Variants in FOXJ3 observed in about 807,000 individuals in gnomAD.
The protein encoded by FOXJ3 is forkhead box J3, also known as forkhead box protein J3.
A neutral mutation model predicts 76.1 loss-of-function variants in FOXJ3; 22 were observed. The ratio of observed to expected loss-of-function variants is 0.29; its 90% CI spans 0.21 to 0.41. FOXJ3 has a LOEUF of 0.41. Ranked by LOEUF, FOXJ3 falls within the 10% of genes least tolerant of loss-of-function variation. FOXJ3 has a pLI of 1.00. For synonymous variants in FOXJ3, 269 were observed against 261.2 expected, an observed-to-expected ratio of 1.03 and a Z score of -0.29; for missense variants, 613 against 762.1, an observed-to-expected ratio of 0.80 and a Z score of 2.30.
intron 5 of FOXJ3, among the ~76,000 whole-genome samples, chr1:42,219,456 C>A (rs1255506373): frequency 6.6e-6 from 1 of 152,176 alleles, no homozygotes; most frequent in Non-Finnish European, 1.5e-5. Context: ...CAGGCAGCCA[C>A]TGGGGGTCTT....
chr1:42,322,933 TTTTCG>T (rs1057322548), intron 1 of FOXJ3, among the ~76,000 whole-genome samples: 3 of 152,124 alleles, frequency 2.0e-5, no homozygotes, highest in Admixed American at 6.6e-5. Flanking sequence ...TTCTGAGGGT[TTTTCG>T]TTTTGTTTTA....
At chr1:42,271,340 G>A (rs1054348021) in intron 3 of FOXJ3, among the ~76,000 whole-genome samples, 3 of 151,136 alleles carry the variant, frequency 2.0e-5, no homozygotes, top group African/African-American at 7.3e-5. Flanking sequence ...CATGTACATG[G>A]GTTCAAAAGT....
intron 5 of FOXJ3, among the ~76,000 whole-genome samples, chr1:42,224,003 T>C (rs1220344764): frequency 6.6e-6 from 1 of 152,202 alleles, no homozygotes; most frequent in Non-Finnish European, 1.5e-5. Context: ...ATTACATGAG[T>C]TAATACACAT....
intron 1 of FOXJ3, among the ~76,000 whole-genome samples, chr1:42,320,155 A>T (rs1054082880): frequency 6.6e-6 from 1 of 152,218 alleles, no homozygotes. Flanking sequence ...AAATATACGT[A>T]ACTGCCTCTT....
At chr1:42,334,644 G>A (rs1293791307) in intron 1 of FOXJ3, among the ~76,000 whole-genome samples, 1 of 152,350 alleles carries the variant, frequency 6.6e-6, no homozygotes, top group East Asian at 1.9e-4. Flanking sequence ...CAAGCTTAAA[G>A]GGAAGAAGCC....
At position 42,263,930 on chromosome 1, in the gene FOXJ3, C is replaced by CTTTTTTTTTTT. The variant is rs61375062; in HGVS notation, c.444+1174_444+1184dup. Among the ~76,000 whole-genome samples the CTTTTTTTTTTT allele has an allele frequency of 2.0e-4, 14 of 71,396 alleles. 1 individual carries two copies. Among genetic ancestry groups the CTTTTTTTTTTT allele is most frequent in the African/African-American group, 6.0e-4 (12 of 20,032 alleles). The allele number at this position is 71,396 out of a possible 152,430, so 46.8% of individuals were successfully genotyped here. On this transcript the variant is annotated intron_variant, in intron 4 of 12. Transcript: ENST00000361346. The stretch of plus-strand genomic sequence containing the variant: ...AAAAGAGACCATATGAGTAGGTTAA[C>CTTTTTTTTTTT]TTTTTTTTTTTTTTTTTTTTTTTTT...
chr1:42,294,497 G>A (rs925929410), intron 2 of FOXJ3, among the ~76,000 whole-genome samples: 1 of 152,026 alleles, frequency 6.6e-6, no homozygotes, highest in African/African-American at 2.4e-5. Flanking sequence ...GGTGGCTCAC[G>A]TCCATAATCC....
At chr1:42,212,936 A>G (rs1328876782) in intron 5 of FOXJ3, among the ~76,000 whole-genome samples, 3 of 138,950 alleles carry the variant, frequency 2.2e-5, no homozygotes, top group Non-Finnish European at 4.6e-5. Flanking sequence ...AATAACTGTC[A>G]GCCAAGAATT....
At chr1:42,202,142 G>A (rs763809929) in intron 6 of FOXJ3, among the ~76,000 whole-genome samples, 1 of 151,850 alleles carries the variant, frequency 6.6e-6, no homozygotes, top group Non-Finnish European at 1.5e-5. Context: ...TTTTATTGCT[G>A]TATTTCCAAA....
intron 11 of FOXJ3, among the ~76,000 whole-genome samples, chr1:42,187,842 T>TAAGCTATTCAAAATAGCTTAGGAA (rs1553154328): frequency 6.6e-6 from 1 of 152,180 alleles, no homozygotes; most frequent in African/African-American, 2.4e-5. Context: ...TCAGGCAAGG[T>TAAGCTATTCAAAATAGCTTAGGAA]AAGCTATTCA....
chr1:42,200,642 C>T (rs1646746239), intron 6 of FOXJ3, among the ~76,000 whole-genome samples: 3 of 152,050 alleles, frequency 2.0e-5, no homozygotes, highest in Admixed American at 2.0e-4. Flanking sequence ...CCATACCTGG[C>T]TAATTGTTGT....
chr1:42,308,742 C>A (rs1173837195), intron 2 of FOXJ3, among the ~76,000 whole-genome samples: 4 of 152,096 alleles, frequency 2.6e-5, no homozygotes, highest in African/African-American at 7.2e-5. Context: ...AGAGGAATTA[C>A]AACACAATGA....
rs147516297 is a variant in FOXJ3, at chr1:42,197,658, A to G, written c.759+1444T>C. On this transcript the variant is annotated intron_variant, in intron 7 of 12. Coordinates refer to ENST00000361346, the MANE Select transcript of FOXJ3 (RefSeq NM_014947.5). ...ATACAATGTAAACAGTTGTTAAACT[A>G]TATTTTTTTCTTTAAAAAAAAAAAA... Among the ~76,000 whole-genome samples, 639 of 151,868 alleles carry G rather than the reference A, an allele frequency of 4.2e-3. 3 individuals are homozygous for G. The highest frequency in any genetic ancestry group is 0.014 in the African/African-American group (594 of 41,454).
chr1:42,324,053 ACAC>A lies in FOXJ3; in HGVS notation c.-18+11003_-18+11005del, dbSNP rs1557725607. Reference sequence around the variant, plus strand: ...TATATACACACTATATATAGTATATACACTGTATATACACAGTGTATATATAGT... The same window carrying A: ...TATATACACACTATATATAGTATATATGTATATACACAGTGTATATATAGT... On this transcript the variant is annotated intron_variant, in intron 1 of 12. Transcript: ENST00000361346. Among the ~76,000 whole-genome samples the A allele has an allele frequency of 1.7e-4, 25 of 145,116 alleles. 1 individual carries two copies. The highest frequency in any genetic ancestry group is 4.2e-4 in the South Asian group (2 of 4,732).
At chr1:42,302,500 T>G (rs1185856703) in intron 2 of FOXJ3, among the ~76,000 whole-genome samples, 1 of 152,138 alleles carries the variant, frequency 6.6e-6, no homozygotes, top group Non-Finnish European at 1.5e-5. Context: ...GCACCAGGTA[T>G]GGGGGGCAGG....
intron 2 of FOXJ3, among the ~76,000 whole-genome samples, chr1:42,287,122 C>T (rs938857620): frequency 1.3e-5 from 2 of 151,458 alleles, no homozygotes; most frequent in East Asian, 2.0e-4. Flanking sequence ...GGGCAGATCA[C>T]GAGGTCAGGA....
chr1:42,316,455 G>C (rs960277197), intron 1 of FOXJ3, among the ~76,000 whole-genome samples: 3 of 150,846 alleles, frequency 2.0e-5, no homozygotes, highest in Admixed American at 6.7e-5. Context: ...ACAGGCATGA[G>C]TCATCACACC....
chr1:42,238,645 A>G (rs906994101), intron 4 of FOXJ3, among the ~76,000 whole-genome samples: 6 of 151,792 alleles, frequency 4.0e-5, no homozygotes, highest in African/African-American at 1.5e-4. Flanking sequence ...TGCAGCCTCA[A>G]CCTCCCAGGC....
At chr1:42,225,323 G>C (rs1402748960) in intron 5 of FOXJ3, among the ~76,000 whole-genome samples, 67 of 151,922 alleles carry the variant, frequency 4.4e-4, no homozygotes, top group Admixed American at 4.4e-3. Flanking sequence ...ATCACTATTT[G>C]CCCTAGGCAT....
Sources: allele counts gnomAD v4.1 joint callset (sites outside exome capture counted in the v4.1 genomes callset), GRCh38; gene constraint gnomAD v4.1.1; transcripts MANE v1.5; gene names NCBI Gene and HGNC (gene_info 2026-07-23, HGNC 2026-07-21).